CHN2: variants seen among roughly 807,000 people sequenced by gnomAD.
The protein encoded by CHN2 is beta-chimaerin.
CHN2 carries 35 observed loss-of-function variants against 56.3 expected under a neutral mutation model. That is an observed-to-expected ratio of 0.62 (90% CI 0.47 to 0.82). The LOEUF (loss-of-function observed/expected upper bound fraction) is 0.82, where lower values mean the gene tolerates loss of function less well. Ranked by LOEUF, CHN2 falls within the 40% of genes least tolerant of loss-of-function variation. The probability of loss-of-function intolerance (pLI) is 0.00; values close to 1 mark genes in which losing one functional copy is unlikely to be tolerated. For synonymous variants in CHN2, 210 were observed against 212.8 expected (o/e 0.99, Z 0.12); for missense variants, 491 against 580.5 (o/e 0.85, Z 1.58).
chr7:29,223,836 C>A (rs1487310017), intron 1 of CHN2, among the ~76,000 whole-genome samples: 1 of 152,176 alleles, frequency 6.6e-6, no homozygotes, highest in Non-Finnish European at 1.5e-5. Flanking sequence ...TACTGCTCAG[C>A]AGGTTTCTAA....
At chr7:29,199,029 C>CA (rs1301227735) in intron 1 of CHN2, among the ~76,000 whole-genome samples, 1 of 152,294 alleles carries the variant, frequency 6.6e-6, no homozygotes, top group East Asian at 1.9e-4. Flanking sequence ...GTGCAGTCTT[C>CA]AAAACCTTAA....
chr7:29,490,264 C>T (rs1341577977), intron 7 of CHN2, among the ~76,000 whole-genome samples: 1 of 152,176 alleles, frequency 6.6e-6, no homozygotes, highest in East Asian at 1.9e-4. Context: ...ACTTCCCCAC[C>T]TGCTCAATCT....
At chr7:29,244,530 T>C (rs113141794) in intron 1 of CHN2, among the ~76,000 whole-genome samples, 6 of 152,310 alleles carry the variant, frequency 3.9e-5, no homozygotes, top group African/African-American at 9.6e-5. Flanking sequence ...AAGCTGTGCA[T>C]TGAGGATGGT....
chr7:29,325,343 A>G (rs1450752502), intron 1 of CHN2, among the ~76,000 whole-genome samples: 1 of 152,096 alleles, frequency 6.6e-6, no homozygotes. Flanking sequence ...TTTTCGTCCT[A>G]CCCATTCATC....
At chr7:29,371,950 G>T in intron 3 of CHN2, among the ~76,000 whole-genome samples, 1 of 152,018 alleles carries the variant, frequency 6.6e-6, no homozygotes, top group Non-Finnish European at 1.5e-5. Context: ...TGATCTCCCT[G>T]CTTCCACTCC....
rs557252447 is a variant in CHN2 at position 29,513,034 on chromosome 7, T to A, written c.*299T>A. 5.9e-5 allele frequency: 14 copies of A among 235,620 alleles called. 1 individual carries two copies. Among genetic ancestry groups the A allele is most frequent in the African/African-American group, 2.9e-4 (13 of 44,774 alleles). The allele number at this position is 235,620 out of a possible 1,614,324, so 14.6% of individuals were successfully genotyped here. A position where few individuals can be genotyped will look rare whatever the true frequency, so the allele number is the denominator to read the frequency against. ...AATTTATTAAAAAACAATGTAGACC[T>A]TTAAACTTCAGTCTTATTGGTAATA... On this transcript the variant is annotated 3_prime_UTR_variant, in exon 13 of 13. Coordinates refer to ENST00000222792, the MANE Select transcript of CHN2 (RefSeq NM_004067.4).
chr7:29,509,637 G>T (rs1394844256), intron 12 of CHN2: 1 of 359,780 alleles, frequency 2.8e-6, no homozygotes, highest in Non-Finnish European at 5.3e-6. Context: ...GAGGTCAGGA[G>T]ATTGAGACCA....
chr7:29,358,209 T>C (rs1317044220), intron 2 of CHN2, among the ~76,000 whole-genome samples: 2 of 152,194 alleles, frequency 1.3e-5, no homozygotes, highest in South Asian at 2.1e-4. Flanking sequence ...TATGAAGCAC[T>C]AGCCCCAATT....
At chr7:29,506,974 A>C (rs965330680) in intron 10 of CHN2, among the ~76,000 whole-genome samples, 2 of 152,184 alleles carry the variant, frequency 1.3e-5, no homozygotes, top group African/African-American at 4.8e-5. Context: ...GCAAATTACC[A>C]GGGGCTGGGA....
chr7:29,414,258 CT>C (rs1258083303), intron 6 of CHN2, among the ~76,000 whole-genome samples: 1 of 152,176 alleles, frequency 6.6e-6, no homozygotes, highest in Non-Finnish European at 1.5e-5. Flanking sequence ...CTCAGTGTAG[CT>C]TTGAAACACC....
At chr7:29,435,270 T>G (rs1419783429) in intron 6 of CHN2, among the ~76,000 whole-genome samples, 2 of 152,246 alleles carry the variant, frequency 1.3e-5, no homozygotes, top group Admixed American at 6.5e-5. Context: ...GCTTGGGCTC[T>G]GGACCAGAGA....
chr7:29,511,162 A>AGGTATTGAGATTTTTATT (rs1791315307), intron 12 of CHN2, among the ~76,000 whole-genome samples: 1 of 149,122 alleles, frequency 6.7e-6, no homozygotes, highest in African/African-American at 2.5e-5. Context: ...GGAGGACTGT[A>AGGTATTGAGATTTTTATT]TAAACAGTAG....
chr7:29,488,398 C>T (rs144001143), intron 7 of CHN2, among the ~76,000 whole-genome samples: 24 of 152,244 alleles, frequency 1.6e-4, no homozygotes, highest in Non-Finnish European at 2.4e-4. Flanking sequence ...ACCTGGGTGA[C>T]GCAGGATAGG....
At chr7:29,396,918 G>A (rs6979630) in intron 4 of CHN2, 17,903 of 152,468 alleles carry the variant, frequency 0.12, 2,238 homozygotes, top group African/African-American at 0.31. Context: ...CTGGCCTCCC[G>A]GTTCCAATCC....
chr7:29,294,117 C>T (rs539945428), intron 1 of CHN2, among the ~76,000 whole-genome samples: 6 of 152,166 alleles, frequency 3.9e-5, no homozygotes, highest in Non-Finnish European at 2.9e-5. Context: ...CTGCCCGCCT[C>T]GGCCTCCCAA....
intron 6 of CHN2, among the ~76,000 whole-genome samples, chr7:29,434,928 C>G (rs1196154583): frequency 1.3e-5 from 2 of 151,888 alleles, no homozygotes; most frequent in Non-Finnish European, 2.9e-5. Context: ...CCCATCTCTA[C>G]AAGAAATACA....
intron 6 of CHN2, among the ~76,000 whole-genome samples, chr7:29,412,154 G>A (rs1585305543): frequency 1.3e-5 from 2 of 152,066 alleles, no homozygotes; most frequent in African/African-American, 4.8e-5. Flanking sequence ...ACTGAAATGG[G>A]TAGGAATGTA....
intron 1 of CHN2, among the ~76,000 whole-genome samples, chr7:29,255,750 T>G (rs1175383013): frequency 6.6e-6 from 1 of 152,232 alleles, no homozygotes. Context: ...TATCCTTTTT[T>G]ATGGGCAGTT....
intron 1 of CHN2, among the ~76,000 whole-genome samples, chr7:29,254,508 T>G (rs1279974469): frequency 6.6e-6 from 1 of 152,180 alleles, no homozygotes. Context: ...AGAAGTTGTT[T>G]TGATTAATGT....
Sources: gnomAD v4.1 joint callset for allele counts (sites outside exome capture counted in the v4.1 genomes callset) on GRCh38, gnomAD v4.1.1 for gene constraint, MANE v1.5 for transcripts, NCBI Gene and HGNC (gene_info 2026-07-23, HGNC 2026-07-21) for gene names.